The following RAB3D variants were observed in gnomAD, a reference collection of about 807,000 sequenced individuals.
RAB3D encodes the protein RAB3D, member RAS oncogene family, also known as ras-related protein Rab-3D.
RAB3D carries 17 observed loss-of-function variants against 19.3 expected under a neutral mutation model. The observed-to-expected ratio is 0.88, with a 90% CI of 0.60 to 1.32. RAB3D has a LOEUF of 1.32. Among genes scored for constraint, RAB3D ranks in the 40% most tolerant of loss-of-function variants. The pLI is 0.00. For synonymous variants in RAB3D, 103 were observed against 119.9 expected, an observed-to-expected ratio of 0.86 and a Z score of 0.92; for missense variants, 223 against 299.1, an observed-to-expected ratio of 0.75 and a Z score of 1.88.
chr19:11,334,059 T>C (rs2147969642), intron 4 of RAB3D, among the ~76,000 whole-genome samples: 1 of 152,326 alleles, frequency 6.6e-6, no homozygotes, highest in South Asian at 2.1e-4. Context: ...GTGGCTGCTG[T>C]CATGCAGAGT....
chr19:11,339,124 G>A (rs1568302539), intron 1 of RAB3D, among the ~76,000 whole-genome samples: 1 of 152,196 alleles, frequency 6.6e-6, no homozygotes, highest in African/African-American at 2.4e-5. Context: ...GGGCCGCAAG[G>A]CTGGGGCCCC....
intron 4 of RAB3D, among the ~76,000 whole-genome samples, chr19:11,332,325 C>T (rs1372138758): frequency 2.0e-5 from 3 of 152,238 alleles, no homozygotes; most frequent in Non-Finnish European, 4.4e-5. Context: ...AGCCACCACG[C>T]CTGGCCGAAC....
chr19:11,332,457 A>G (rs1306030119), intron 4 of RAB3D, among the ~76,000 whole-genome samples: 1 of 149,228 alleles, frequency 6.7e-6, no homozygotes, highest in African/African-American at 2.5e-5. Flanking sequence ...CGATCCTCCC[A>G]CCTCAGCCTC....
In RAB3D at chr19:11,335,513, T is replaced by C. The variant is rs1361052094; in HGVS notation, c.406A>G (p.Lys136Glu). The change falls in exon 4 of 5, where the codon AAG (lysine) becomes GAG (glutamate). Residue 136 changes from lysine (K) to glutamate (E), a missense_variant. Lys to Glu is a moderately conservative substitution (Grantham distance 56, BLOSUM62 1). Transcript: ENST00000222120. The part of the protein sequence containing the change: ...DNAQVILVGN[K>E]CDLEDERVVP... ...ACACGTTCGTCCTCCAGGTCACACT[T>C]GTTCCCCACCAGGATGACCTGGGCG... 2.5e-6 allele frequency: 4 copies of C among 1,614,194 alleles called. No homozygotes were observed. The South Asian group carries it at 3.3e-5, about 13-fold the overall frequency.
chr19:11,325,957 A>C (rs934289271), intron 4 of RAB3D, among the ~76,000 whole-genome samples: 7 of 152,114 alleles, frequency 4.6e-5, no homozygotes, highest in Non-Finnish European at 7.4e-5. Flanking sequence ...GAGGAGGCTC[A>C]TGCCTATAAT....
At position 11,322,541 on chromosome 19, in the gene RAB3D, G is replaced by A. The variant is rs1267716730; in HGVS notation, c.*2857C>T. 1 of 152,146 alleles carries A rather than the reference G, an allele frequency of 6.6e-6. No homozygotes were observed. The allele number at this position is 152,146 out of a possible 1,614,324, so 9.4% of individuals were successfully genotyped here. A position where few individuals can be genotyped will look rare whatever the true frequency, so the allele number is the denominator to read the frequency against. On this transcript the variant is annotated 3_prime_UTR_variant, in exon 5 of 5. Coordinates refer to ENST00000222120, the MANE Select transcript of RAB3D (RefSeq NM_004283.4). ...CCACGGCCTTTGGTTTAATGTGTCT[G>A]TAAACTCAACAAACCTCCGTTTCCC...
Position 11,324,259 on chromosome 19 carries a change from GAAA to G in RAB3D, c.*1136_*1138del, listed in dbSNP as rs561740577. On this transcript the variant is annotated 3_prime_UTR_variant, in exon 5 of 5. Coordinates refer to ENST00000222120, the MANE Select transcript of RAB3D (RefSeq NM_004283.4). ...TGACAGAGCCAGACCATCTCAAAAAGAAAAAAAAAAAAAAAGAAGTGACTCCTC... is the reference window on the plus strand; with the variant it reads ...TGACAGAGCCAGACCATCTCAAAAAGAAAAAAAAAAAAGAAGTGACTCCTC... 8.8e-5 allele frequency: 9 copies of G among 102,598 alleles called. No homozygotes were observed. The highest frequency in any genetic ancestry group is 3.3e-4 in the South Asian group (1 of 3,032). 6.4% of individuals were successfully genotyped at this position (102,598 alleles called of 1,614,324 possible).
Position 11,325,423 on chromosome 19 carries a change from G to A in RAB3D, c.635C>T (p.Pro212Leu), listed in dbSNP as rs1290039405. ...CTAGCAGCTGCAGCTGCTGGGCTGG[G>A]GGGCTGGAGCATCCCCCACGGCCGG... ...KGPAVGDAPA[P>L]QPSSCSC The change falls in exon 5 of 5, where the codon CCC (proline) becomes CTC (leucine). Residue 212 changes from proline (P) to leucine (L), a missense_variant. Coordinates refer to ENST00000222120, the MANE Select transcript of RAB3D (RefSeq NM_004283.4). 7.9e-7 allele frequency: 1 copy of A among 1,266,636 alleles called. No homozygotes were observed. The highest frequency in any genetic ancestry group is 2.9e-5 in the East Asian group (1 of 34,768). 78.5% of individuals were successfully genotyped at this position (1,266,636 alleles called of 1,614,324 possible).
intron 1 of RAB3D, among the ~76,000 whole-genome samples, chr19:11,339,055 G>A (rs1379327229): frequency 6.6e-6 from 1 of 152,222 alleles, no homozygotes; most frequent in Non-Finnish European, 1.5e-5. Flanking sequence ...CCGTGTTCCA[G>A]GAGAACGAGT....
chr19:11,339,039 C>T (rs1160407808), intron 1 of RAB3D, among the ~76,000 whole-genome samples: 1 of 152,218 alleles, frequency 6.6e-6, no homozygotes, highest in Non-Finnish European at 1.5e-5. Flanking sequence ...CCCAACCGGC[C>T]CCACCCCGTG....
intron 4 of RAB3D, among the ~76,000 whole-genome samples, chr19:11,329,372 G>A (rs1389925467): frequency 1.3e-5 from 2 of 151,986 alleles, no homozygotes; most frequent in Non-Finnish European, 2.9e-5. Context: ...AGTTTGGGAG[G>A]CCGAGGCAGC....
chr19:11,325,644 T>C lies in RAB3D; in HGVS notation c.473-59A>G, dbSNP rs948420833. The C allele has an allele frequency of 4.3e-5, 65 of 1,498,880 alleles. No homozygotes were observed. The Admixed American group carries it at 5.5e-4, about 13-fold the overall frequency. The allele number at this position is 1,498,880 out of a possible 1,614,324, so 92.8% of individuals were successfully genotyped here. On this transcript the variant is annotated intron_variant, in intron 4 of 4. Coordinates refer to ENST00000222120, the MANE Select transcript of RAB3D (RefSeq NM_004283.4). ...ACCCCTGAGGGCAGAGTCTCAGCTGTGGCATCACAGAAACCTGGCTTCTAA... is the reference window on the plus strand; with the variant it reads ...ACCCCTGAGGGCAGAGTCTCAGCTGCGGCATCACAGAAACCTGGCTTCTAA...
In RAB3D at chr19:11,335,459, C is replaced by T. The variant is rs748055217; in HGVS notation, c.460G>A (p.Ala154Thr). ...VVPAEDGRRL[A>T]DDLGFEFFEA... Reference sequence around the variant, plus strand: ...GCTGGGCACTAACCAAGGTCGTCGGCGAGCCTCCGGCCATCCTCAGCAGGC... The same window carrying T: ...GCTGGGCACTAACCAAGGTCGTCGGTGAGCCTCCGGCCATCCTCAGCAGGC... Residue 154 changes from alanine to threonine, a missense_variant, in exon 4 of 5, where the codon GCC becomes ACC. By Grantham distance (58) the Ala-to-Thr change is moderately conservative. Transcript: ENST00000222120. 32 of 1,613,960 alleles carry T rather than the reference C, an allele frequency of 2.0e-5. No individual in the cohort carries two copies. In the East Asian group the frequency reaches 2.7e-4, roughly 13 times the overall value.
chr19:11,337,581 TCA>T, intron 1 of RAB3D, 121 bp from the exon 2 acceptor site: 1 of 568,882 alleles, frequency 1.8e-6, no homozygotes, highest in South Asian at 2.2e-5. Context: ...CCTCTAGACC[TCA>T]GTGTCCTCTT....
chr19:11,338,907 G>A (rs931878457), intron 1 of RAB3D, among the ~76,000 whole-genome samples: 1 of 152,210 alleles, frequency 6.6e-6, no homozygotes, highest in African/African-American at 2.4e-5. Context: ...GTCTATGGCC[G>A]CTGCGGGAAC....
intron 4 of RAB3D, among the ~76,000 whole-genome samples, chr19:11,330,300 T>G (rs2080831184): frequency 6.6e-6 from 1 of 152,204 alleles, no homozygotes. Context: ...ATGGTCTCTG[T>G]CTCAATTACT....
intron 4 of RAB3D, among the ~76,000 whole-genome samples, chr19:11,325,906 T>A (rs1430759595): frequency 6.6e-6 from 1 of 151,546 alleles, no homozygotes; most frequent in Admixed American, 6.6e-5. Flanking sequence ...AGGCCCTATC[T>A]CTACAATAAA....
At chr19:11,327,764 G>C (rs2080820833) in intron 4 of RAB3D, among the ~76,000 whole-genome samples, 2 of 152,088 alleles carry the variant, frequency 1.3e-5, no homozygotes, top group Admixed American at 1.3e-4. Context: ...AGGAGGCCAA[G>C]GCAGGAGAAT....
chr19:11,322,508 G>A lies in RAB3D; in HGVS notation c.*2890C>T, dbSNP rs1190586875. On this transcript the variant is annotated 3_prime_UTR_variant, in exon 5 of 5. Transcript: ENST00000222120. ...TGACCAATCCCCTGGAGCTGGAGAG[G>A]GGTTTTCCCACGGCCTTTGGTTTAA... The A allele has an allele frequency of 6.6e-6, 1 of 152,114 alleles. No homozygotes were observed. Among genetic ancestry groups the A allele is most frequent in the African/African-American group, 2.4e-5 (1 of 41,418 alleles). The allele number at this position is 152,114 out of a possible 1,614,324, so 9.4% of individuals were successfully genotyped here.
Sources: gnomAD v4.1 joint callset for allele counts (sites outside exome capture counted in the v4.1 genomes callset) on GRCh38, gnomAD v4.1.1 for gene constraint, MANE v1.5 for transcripts, NCBI Gene and HGNC (gene_info 2026-07-23, HGNC 2026-07-21) for gene names.